MICALL2: variants seen among roughly 807,000 people sequenced by gnomAD.
MICALL2 encodes MICAL like 2.
A neutral mutation model predicts 91.1 loss-of-function variants in MICALL2; 111 were observed. The ratio of observed to expected loss-of-function variants is 1.22; its 90% CI spans 1.04 to 1.43. The LOEUF is 1.43. MICALL2 is among the 40% of genes most tolerant of loss of function. The pLI is 0.00. For missense variants in MICALL2, 1,556 were observed against 1,236.0 expected (o/e 1.26, Z -3.88); for synonymous variants, 694 against 525.3 (o/e 1.32, Z -4.39).
rs369564366 is a variant in MICALL2 at position 1,445,407 on chromosome 7, C to G, written c.663G>C (p.Thr221=). The change falls in exon 6 of 17, where the codon ACG becomes ACC. Residue 221 remains threonine (T), a synonymous_variant. Coordinates refer to ENST00000297508, the MANE Select transcript of MICALL2 (RefSeq NM_182924.4). ...TGGCCTTGTAGGCCCCCGAGTGCAG[C>G]GTGCAGGAGCACTGCTTACACCTGG... is the stretch of plus-strand genomic sequence containing the variant. The part of the protein sequence containing the change: ...SCFRCKQCSC[T]LHSGAYKATG... The G allele has an allele frequency of 3.2e-6, 5 of 1,554,484 alleles. No homozygotes were observed. The highest frequency in any genetic ancestry group is 2.3e-5 in the South Asian group (2 of 86,118).
chr7:1,456,011 C>T (rs1781000848), intron 1 of MICALL2, among the ~76,000 whole-genome samples: 1 of 151,878 alleles, frequency 6.6e-6, no homozygotes, highest in Admixed American at 6.6e-5. Context: ...GGAGGGACAG[C>T]CAAGGGCTGC....
rs752612710 is a variant in MICALL2 at position 1,438,011 on chromosome 7, G to GA, written c.2312-32_2312-31insT. 65 of 1,550,018 alleles carry GA rather than the reference G, an allele frequency of 4.2e-5. No individual in the cohort carries two copies. In the Middle Eastern group the frequency reaches 2.7e-3, roughly 65 times the overall value. ...GAGAGGAGCCAGCTGGGGCAGGGGGGCCCGCCAGAGTTCATGGCCCCCAGC... is the reference window on the plus strand; with the variant it reads ...GAGAGGAGCCAGCTGGGGCAGGGGGGACCCGCCAGAGTTCATGGCCCCCAGC... On this transcript the variant is annotated intron_variant, in intron 12 of 16. Coordinates refer to ENST00000297508, the MANE Select transcript of MICALL2 (RefSeq NM_182924.4).
intron 1 of MICALL2, among the ~76,000 whole-genome samples, chr7:1,457,713 A>G (rs764666092): frequency 1.3e-5 from 2 of 152,202 alleles, no homozygotes; most frequent in Non-Finnish European, 2.9e-5. Flanking sequence ...AGAGGGCCCC[A>G]AATCTCCGGC....
At position 1,451,561 on chromosome 7, in the gene MICALL2, G is replaced by A. The variant is rs577823743; in HGVS notation, c.144-1273C>T. Among the ~76,000 whole-genome samples, 6 of 152,300 alleles carry A rather than the reference G, an allele frequency of 3.9e-5. No homozygotes were observed. The highest frequency in any genetic ancestry group is 2.1e-4 in the South Asian group (1 of 4,828). ...TCCACGTTGCTGCCTGTGGGGTCCCGGACAGCAGCTGCTGCCATGTCAGCG... is the reference window on the plus strand; with the variant it reads ...TCCACGTTGCTGCCTGTGGGGTCCCAGACAGCAGCTGCTGCCATGTCAGCG... On this transcript the variant is annotated intron_variant, in intron 1 of 16. Transcript: ENST00000297508. The surrounding 1 kb of genome is among the most constrained non-coding windows in gnomAD (Gnocchi z 4.5).
chr7:1,439,867 C>A (rs1435738859), intron 9 of MICALL2, 58 bp downstream of exon 9: 12 of 1,371,732 alleles, frequency 8.7e-6, no homozygotes, highest in Non-Finnish European at 1.1e-5. Flanking sequence ...GGGGCCCCCA[C>A]CCAAGGGGGA....
intron 10 of MICALL2, 127 bp downstream of exon 10, chr7:1,438,712 TC>T (rs1229631101): frequency 1.2e-5 from 18 of 1,487,780 alleles, no homozygotes; most frequent in Non-Finnish European, 1.6e-5. Context: ...GCTGGGTCCT[TC>T]CTCCAGGCTT....
intron 1 of MICALL2, among the ~76,000 whole-genome samples, chr7:1,455,940 C>T (rs1224245118): frequency 6.6e-6 from 1 of 151,968 alleles, no homozygotes; most frequent in African/African-American, 2.4e-5. Flanking sequence ...CCTGAGAGGA[C>T]AACCGGTCTG....
At chr7:1,436,614 G>T in intron 15 of MICALL2, 128 bp downstream of exon 15, 4 of 503,124 alleles carry the variant, frequency 8.0e-6, no homozygotes, top group Non-Finnish European at 1.4e-5. Flanking sequence ...CCTGGCTACT[G>T]TACCAGTCAG....
Position 1,436,826 on chromosome 7 carries a change from C to T in MICALL2, c.2507G>A (p.Arg836Gln), listed in dbSNP as rs747880537. 1.1e-4 allele frequency: 170 copies of T among 1,604,004 alleles called. No homozygotes were observed. In the Admixed American group the frequency reaches 2.4e-3, roughly 23 times the overall value. Reference protein sequence around the residue: ...EALKSLQERRREQELLEQYVS... With the variant: ...EALKSLQERRQEQELLEQYVS... ...GTACTGCTCCAGCAGCTCCTGCTCC[C>T]GCCGCCGCTCCTGCAGTGACTTCAG... The change falls in exon 15 of 17, where the codon CGG becomes CAG. Residue 836 changes from arginine (R) to glutamine (Q), a missense_variant. By Grantham distance (43) the Arg-to-Gln change is conservative (BLOSUM62 1). Coordinates refer to ENST00000297508, the MANE Select transcript of MICALL2 (RefSeq NM_182924.4).
chr7:1,439,909 TC>T lies in MICALL2; in HGVS notation c.1966+15del. ...GCTAGGCAACCCGGGGGCCCCTGGG[TC>T]CCGTCCAGGAGTACCTGGGAGGCTG... On this transcript the variant is annotated intron_variant, in intron 9 of 16. Transcript: ENST00000297508. 2 of 1,426,890 alleles carry T rather than the reference TC, an allele frequency of 1.4e-6. No individual in the cohort carries two copies. Among genetic ancestry groups the T allele is most frequent in the Non-Finnish European group, 1.8e-6 (2 of 1,093,244 alleles). The allele number at this position is 1,426,890 out of a possible 1,614,324, so 88.4% of individuals were successfully genotyped here.
At position 1,434,523 on chromosome 7, in the gene MICALL2, C is replaced by G. The variant is rs776163351; in HGVS notation, c.*73G>C. ...CCGAGTACAAGTCCGGGTTCCGGGT[C>G]CGGGCCAAGCCCATGGCCCCGAGTC... On this transcript the variant is annotated 3_prime_UTR_variant, in exon 17 of 17. Transcript: ENST00000297508. 1 of 1,371,436 alleles carries G rather than the reference C, an allele frequency of 7.3e-7. No individual in the cohort carries two copies. 85.0% of individuals were successfully genotyped at this position (1,371,436 alleles called of 1,614,324 possible). A position where few individuals can be genotyped will look rare whatever the true frequency, so the allele number is the denominator to read the frequency against.
chr7:1,442,027 A>G, intron 7 of MICALL2, 165 bp downstream of exon 7: 1 of 801,402 alleles, frequency 1.2e-6, no homozygotes, highest in Non-Finnish European at 2.0e-6. Context: ...AGAGCGCACC[A>G]GGACCCCAGG....
chr7:1,444,783 G>A lies in MICALL2; in HGVS notation c.1287C>T (p.Gly429=), dbSNP rs1368505663. ...TGGGACCTCTGCCAGAAAGGCTGGTGCCGGGGGGCACTGCTGATGTTTGGA... is the reference window on the plus strand; with the variant it reads ...TGGGACCTCTGCCAGAAAGGCTGGTACCGGGGGGCACTGCTGATGTTTGGA... ...KFFQTSAVPP[G]TSLSGRGPTP... Residue 429 remains glycine, a synonymous_variant, in exon 6 of 17, where the codon GGC becomes GGT. Coordinates refer to ENST00000297508, the MANE Select transcript of MICALL2 (RefSeq NM_182924.4). 6.2e-7 allele frequency: 1 copy of A among 1,611,778 alleles called. No homozygotes were observed. Among genetic ancestry groups the A allele is most frequent in the African/African-American group, 1.3e-5 (1 of 74,932 alleles).
At position 1,454,391 on chromosome 7, in the gene MICALL2, G is replaced by A. The variant is rs1780939385; in HGVS notation, c.144-4103C>T. On this transcript the variant is annotated intron_variant, in intron 1 of 16. Transcript: ENST00000297508. The stretch of plus-strand genomic sequence containing the variant: ...GGCACAGTCGGGATGGCAGAGAGGG[G>A]ACTCGGGGAAGGAGCAAACCTCAGA... Among the ~76,000 whole-genome samples, 4 of 150,268 alleles carry A rather than the reference G, an allele frequency of 2.7e-5. No individual in the cohort carries two copies. The South Asian group carries it at 6.3e-4, about 24-fold the overall frequency.
chr7:1,434,980 T>TTTGC, intron 16 of MICALL2, 121 bp downstream of exon 16: 1 of 628,932 alleles, frequency 1.6e-6, no homozygotes, highest in Non-Finnish European at 2.8e-6. Context: ...GGGGACCCGA[T>TTTGC]ACCCGCCCCC....
intron 6 of MICALL2, among the ~76,000 whole-genome samples, chr7:1,444,385 G>A (rs897033339): frequency 2.6e-5 from 4 of 152,218 alleles, no homozygotes; most frequent in African/African-American, 4.8e-5. Flanking sequence ...GCCCCGGAGC[G>A]GCAGCGCCAC....
At chr7:1,443,092 C>T (rs920169308) in intron 6 of MICALL2, among the ~76,000 whole-genome samples, 4 of 137,570 alleles carry the variant, frequency 2.9e-5, no homozygotes, top group Non-Finnish European at 4.8e-5. Context: ...CCCCACCCCC[C>T]TCGACAACCA....
chr7:1,456,453 G>A (rs1027834390), intron 1 of MICALL2, among the ~76,000 whole-genome samples: 7 of 152,122 alleles, frequency 4.6e-5, no homozygotes, highest in African/African-American at 1.4e-4. Flanking sequence ...GGGTGTGGGG[G>A]TGCACCCCTT....
In MICALL2 at chr7:1,438,097, C is replaced by T. The variant is rs771074800; in HGVS notation, c.2311G>A (p.Asp771Asn). 14 of 1,568,556 alleles carry T rather than the reference C, an allele frequency of 8.9e-6. No individual in the cohort carries two copies. In the South Asian group the frequency reaches 1.6e-4, roughly 18 times the overall value. ...CCCAGGGCCAGGCCGAGGCGCTCAC[C>T]TCCCTCGGCCGCCCGCAGTCGCTTC... is the stretch of plus-strand genomic sequence containing the variant. ...LEKRLRAAEG[D>N]DAEDSLMVDW... The change falls in exon 12 of 17, where the codon GAT (aspartate) becomes AAT (asparagine). Residue 771 changes from aspartate to asparagine, a missense_variant and splice_region_variant. Physicochemically the swap from Asp to Asn is conservative, Grantham distance 23. Transcript: ENST00000297508.
Sources: gnomAD v4.1 joint callset for allele counts (sites outside exome capture counted in the v4.1 genomes callset) on GRCh38, gnomAD v4.1.1 for gene constraint, Gnocchi (gnomAD v3.1) non-coding constraint, MANE v1.5 for transcripts, NCBI Gene and HGNC (gene_info 2026-07-23, HGNC 2026-07-21) for gene names.